RYR2: variants seen among roughly 807,000 people sequenced by gnomAD.
RYR2 encodes cardiac muscle ryanodine receptor-calcium release channel.
RYR2 carries 227 observed loss-of-function variants against 601.1 expected under a neutral mutation model. That is an observed-to-expected ratio of 0.38 (90% CI 0.34 to 0.42). The LOEUF (loss-of-function observed/expected upper bound fraction) is 0.42, where lower values mean the gene tolerates loss of function less well. RYR2 is among the 10% of genes least tolerant of loss of function. The probability of loss-of-function intolerance (pLI) is 1.00; values close to 1 mark genes in which losing one functional copy is unlikely to be tolerated. For synonymous variants in RYR2, 2,223 were observed against 2,175.1 expected (o/e 1.02, Z -0.61); for missense variants, 4,646 against 6,156.5 (o/e 0.75, Z 8.21).
At chr1:237,722,923 C>T (rs1689869813) in intron 73 of RYR2, among the ~76,000 whole-genome samples, 1 of 152,132 alleles carries the variant, frequency 6.6e-6, no homozygotes, top group African/African-American at 2.4e-5. Context: ...GTATGAATTG[C>T]AGCATTATTA....
chr1:237,757,714 G>A lies in RYR2; in HGVS notation c.11263G>A (p.Val3755Ile). Residue 3755 changes from valine to isoleucine, a missense_variant, in exon 82 of 105, where the codon GTA becomes ATA. Coordinates refer to ENST00000366574, the MANE Select transcript of RYR2 (RefSeq NM_001035.3). ...TTTCTTAGGTGAAACTGGACCAATG[G>A]TAGCAGCTACTCTGAAACTTGGAAT... is the stretch of plus-strand genomic sequence containing the variant. The part of the protein sequence containing the change: ...SASKGETGPM[V>I]AATLKLGIAI... 2 of 1,610,494 alleles carry A rather than the reference G, an allele frequency of 1.2e-6. No individual in the cohort carries two copies. Among genetic ancestry groups the A allele is most frequent in the South Asian group, 2.2e-5 (2 of 91,004 alleles).
In RYR2 at chr1:237,707,262, G is replaced by C; in HGVS notation, c.9894G>C (p.Arg3298Ser). The C allele has an allele frequency of 2.7e-6, 4 of 1,505,734 alleles. No individual in the cohort carries two copies. The highest frequency in any genetic ancestry group is 9.0e-7 in the Non-Finnish European group (1 of 1,114,500). The allele number at this position is 1,505,734 out of a possible 1,614,324, so 93.3% of individuals were successfully genotyped here. The part of the protein sequence containing the change: ...LGIDEGAWMK[R>S]LAVFSQPIIN... ...TTGATGAGGGAGCCTGGATGAAGAG[G>C]CTAGCAGGTAAGAACTGGAAGAAGA... The change falls in exon 68 of 105, where the codon AGG becomes AGC. Residue 3298 changes from arginine (R) to serine (S), a missense_variant. Arg to Ser is a moderately radical substitution (Grantham distance 110). Coordinates refer to ENST00000366574, the MANE Select transcript of RYR2 (RefSeq NM_001035.3).
chr1:237,408,392 T>TTA lies in RYR2; in HGVS notation c.774-8644_774-8643dup, dbSNP rs71561871. 2.2e-3 allele frequency among the ~76,000 whole-genome samples: 136 copies of TTA among 62,618 alleles called. 4 individuals carry two copies. The highest frequency in any genetic ancestry group is 4.2e-3 in the Admixed American group (37 of 8,856). 41.1% of individuals were successfully genotyped at this position (62,618 alleles called of 152,430 possible). On this transcript the variant is annotated intron_variant, in intron 10 of 104. Coordinates refer to ENST00000366574, the MANE Select transcript of RYR2 (RefSeq NM_001035.3). ...AGGGCGTGGTCTGTGTCTAGATTCT[T>TTA]TATATATATATATAAATGGATATCC...
chr1:237,473,173 C>T (rs1660930671), intron 17 of RYR2, among the ~76,000 whole-genome samples: 1 of 152,012 alleles, frequency 6.6e-6, no homozygotes, highest in African/African-American at 2.4e-5. Context: ...CCTGTAATCC[C>T]AGCACTTTGG....
chr1:237,601,368 G>C (rs112290553), intron 34 of RYR2, among the ~76,000 whole-genome samples: 2,239 of 152,206 alleles, frequency 0.015, 16 homozygotes, highest in Non-Finnish European at 0.023. Context: ...CTCATATGTA[G>C]AATCGAAAAA....
At chr1:237,504,928 A>G (rs1470532921) in intron 22 of RYR2, among the ~76,000 whole-genome samples, 1 of 152,184 alleles carries the variant, frequency 6.6e-6, no homozygotes. Flanking sequence ...CGCAGTTCAC[A>G]ATAGGGTTCA....
intron 1 of RYR2, among the ~76,000 whole-genome samples, chr1:237,134,774 G>A (rs1366004371): frequency 6.6e-6 from 1 of 152,182 alleles, no homozygotes; most frequent in Non-Finnish European, 1.5e-5. Flanking sequence ...ATAATCAAGT[G>A]CCAGGGATTG....
At chr1:237,731,404 A>T (rs979702825) in intron 77 of RYR2, among the ~76,000 whole-genome samples, 1 of 152,174 alleles carries the variant, frequency 6.6e-6, no homozygotes, top group Non-Finnish European at 1.5e-5. Context: ...AAAATAAGAA[A>T]AAAAGTATAA....
In RYR2 at chr1:237,566,812, T is replaced by C. The variant is rs144394383; in HGVS notation, c.3423+37T>C. On this transcript the variant is annotated intron_variant, in intron 28 of 104. Coordinates refer to ENST00000366574, the MANE Select transcript of RYR2 (RefSeq NM_001035.3). ...TTGTCCTGTGCCAGTCATCTGTACGTGCTGGAGGCTCATCTCCTCTGCTGT... is the reference window on the plus strand; with the variant it reads ...TTGTCCTGTGCCAGTCATCTGTACGCGCTGGAGGCTCATCTCCTCTGCTGT... 1.8e-4 allele frequency: 291 copies of C among 1,599,134 alleles called. 1 individual carries two copies. In the African/African-American group the frequency reaches 3.5e-3, roughly 19 times the overall value.
intron 1 of RYR2, among the ~76,000 whole-genome samples, chr1:237,093,545 C>G (rs1006766511): frequency 3.9e-5 from 6 of 152,132 alleles, no homozygotes; most frequent in Admixed American, 1.3e-4. Flanking sequence ...GCTCAGGTGA[C>G]TGGAAGAGAG....
chr1:237,667,768 A>G, intron 57 of RYR2, 115 bp from the exon 58 acceptor site: 1 of 711,520 alleles, frequency 1.4e-6, no homozygotes, highest in Non-Finnish European at 2.3e-6. Context: ...TTTTAAATGT[A>G]TCATAGCACT....
At chr1:237,347,529 G>C (rs192819430) in intron 3 of RYR2, among the ~76,000 whole-genome samples, 6 of 152,032 alleles carry the variant, frequency 3.9e-5, no homozygotes, top group African/African-American at 1.4e-4. Flanking sequence ...ACAGTTTGAC[G>C]ACATACTTAA....
intron 77 of RYR2, among the ~76,000 whole-genome samples, chr1:237,731,516 TA>T (rs1160465821): frequency 6.6e-6 from 1 of 152,160 alleles, no homozygotes; most frequent in Non-Finnish European, 1.5e-5. Context: ...CTATGGGAAC[TA>T]AATTTTCACA....
chr1:237,687,333 T>G, intron 62 of RYR2, 122 bp from the exon 63 acceptor site: 1 of 662,174 alleles, frequency 1.5e-6, no homozygotes, highest in Non-Finnish European at 2.6e-6. Context: ...TTCCGGCTCA[T>G]ATATCAGCTG....
At chr1:237,812,737 T>C (rs1285667967) in intron 100 of RYR2, among the ~76,000 whole-genome samples, 1 of 152,190 alleles carries the variant, frequency 6.6e-6, no homozygotes, top group Non-Finnish European at 1.5e-5. Flanking sequence ...CTCCGATTAA[T>C]TGCTGGACAA....
At chr1:237,366,945 G>A (rs1214703882) in intron 5 of RYR2, among the ~76,000 whole-genome samples, 2 of 151,998 alleles carry the variant, frequency 1.3e-5, no homozygotes, top group African/African-American at 4.8e-5. Context: ...ATTGTTCTTG[G>A]CCACAATAAA....
At chr1:237,196,436 T>C (rs1011175368) in intron 1 of RYR2, among the ~76,000 whole-genome samples, 5 of 152,188 alleles carry the variant, frequency 3.3e-5, no homozygotes, top group African/African-American at 4.8e-5. Context: ...TAATTTAAAA[T>C]TTTTCTTCTA....
At chr1:237,170,264 C>T (rs563214553) in intron 1 of RYR2, among the ~76,000 whole-genome samples, 2 of 152,278 alleles carry the variant, frequency 1.3e-5, no homozygotes, top group Admixed American at 1.3e-4. Context: ...GGAGCCTGCC[C>T]TGGAAACTTC....
At chr1:237,826,849 A>G (rs1663146046) in intron 101 of RYR2, among the ~76,000 whole-genome samples, 1 of 152,158 alleles carries the variant, frequency 6.6e-6, no homozygotes, top group Admixed American at 6.5e-5. Flanking sequence ...CAATAAGTCT[A>G]AGGAACTTGG....
Sources: allele counts gnomAD v4.1 joint callset (sites outside exome capture counted in the v4.1 genomes callset), GRCh38; gene constraint gnomAD v4.1.1; transcripts MANE v1.5; gene names NCBI Gene and HGNC (gene_info 2026-07-23, HGNC 2026-07-21).